The following MYO5A variants were observed in gnomAD, a reference collection of about 807,000 sequenced individuals.
MYO5A encodes the protein myosin VA, also known as unconventional myosin-Va.
A neutral mutation model predicts 249.7 loss-of-function variants in MYO5A; 98 were observed. That is an observed-to-expected ratio of 0.39 (90% CI 0.33 to 0.46). The LOEUF is 0.46. Ranked by LOEUF, MYO5A falls within the 20% of genes least tolerant of loss-of-function variation. The pLI, the probability that MYO5A is intolerant of heterozygous loss-of-function variation, is 0.98. For synonymous variants in MYO5A, 778 were observed against 810.6 expected, an observed-to-expected ratio of 0.96 and a Z score of 0.68; for missense variants, 1,696 against 2,308.8, an observed-to-expected ratio of 0.73 and a Z score of 5.44.
chr15:52,438,946 C>G (rs942190608), intron 1 of MYO5A, among the ~76,000 whole-genome samples: 1 of 152,250 alleles, frequency 6.6e-6, no homozygotes, highest in Non-Finnish European at 1.5e-5. Flanking sequence ...TACTCCTGAT[C>G]CAGCTAGGCG....
chr15:52,361,048 T>C (rs1221070349), intron 24 of MYO5A, among the ~76,000 whole-genome samples: 1 of 152,088 alleles, frequency 6.6e-6, no homozygotes, highest in Non-Finnish European at 1.5e-5. Flanking sequence ...CACCCAGGCT[T>C]ATGGAGAGCA....
intron 1 of MYO5A, 34 bp from the exon 2 acceptor site, chr15:52,433,319 A>G (rs1417036647): frequency 7.9e-7 from 1 of 1,259,930 alleles, no homozygotes; most frequent in Non-Finnish European, 1.2e-6. Flanking sequence ...TTAAACTAGC[A>G]AATCAATTAT....
chr15:52,435,199 A>G (rs2075635998), intron 1 of MYO5A, among the ~76,000 whole-genome samples: 1 of 152,138 alleles, frequency 6.6e-6, no homozygotes, highest in Admixed American at 6.6e-5. Context: ...CTGAGATTCA[A>G]GATAATTTAA....
rs1206870633 is a variant in MYO5A at position 52,420,709 on chromosome 15, A to C, written c.456-4408T>G. Among the ~76,000 whole-genome samples, 3 of 152,208 alleles carry C rather than the reference A, an allele frequency of 2.0e-5. No individual in the cohort carries two copies. In the East Asian group the frequency reaches 5.8e-4, roughly 29 times the overall value. On this transcript the variant is annotated intron_variant, in intron 4 of 41. Coordinates refer to ENST00000399233, the MANE Select transcript of MYO5A (RefSeq NM_001382347.1). The stretch of plus-strand genomic sequence containing the variant: ...TCTGAAAGTAAAATCTGAGTGGGAT[A>C]ATGAAGTATAAATATAAATCAGACA...
intron 1 of MYO5A, among the ~76,000 whole-genome samples, chr15:52,461,017 T>C (rs1276104557): frequency 6.6e-6 from 1 of 152,196 alleles, no homozygotes; most frequent in Non-Finnish European, 1.5e-5. Context: ...AGGGGCACAA[T>C]CATGGCTCAC....
chr15:52,453,666 T>C (rs114594340), intron 1 of MYO5A, among the ~76,000 whole-genome samples: 1 of 152,130 alleles, frequency 6.6e-6, no homozygotes, highest in Non-Finnish European at 1.5e-5. Flanking sequence ...ATATTAAATA[T>C]GTAAATTGAG....
intron 2 of MYO5A, among the ~76,000 whole-genome samples, chr15:52,432,432 T>C (rs2075560528): frequency 6.6e-6 from 1 of 152,226 alleles, no homozygotes; most frequent in African/African-American, 2.4e-5. Flanking sequence ...TGGCCAGCAA[T>C]CTGCAAAAAT....
intron 9 of MYO5A, among the ~76,000 whole-genome samples, chr15:52,404,155 C>T (rs566336987): frequency 6.6e-6 from 1 of 151,882 alleles, no homozygotes; most frequent in African/African-American, 2.4e-5. Flanking sequence ...GTCCCAGCTA[C>T]TCAGGAGGCT....
intron 1 of MYO5A, among the ~76,000 whole-genome samples, chr15:52,520,669 T>TTTCTTCC (rs1268069455): frequency 2.6e-5 from 4 of 152,206 alleles, no homozygotes; most frequent in Non-Finnish European, 5.9e-5. Flanking sequence ...CTGTGGCTGG[T>TTTCTTCC]AAACTGACTA....
intron 4 of MYO5A, among the ~76,000 whole-genome samples, chr15:52,422,546 G>A (rs1057128369): frequency 2.0e-5 from 3 of 151,964 alleles, no homozygotes; most frequent in Non-Finnish European, 4.4e-5. Context: ...ATATAAGCAA[G>A]GCTTTGCCAG....
At chr15:52,503,058 G>A (rs2077190851) in intron 1 of MYO5A, among the ~76,000 whole-genome samples, 1 of 152,150 alleles carries the variant, frequency 6.6e-6, no homozygotes, top group African/African-American at 2.4e-5. Flanking sequence ...AAGAGAGGTT[G>A]ATTAATGGGC....
intron 1 of MYO5A, among the ~76,000 whole-genome samples, chr15:52,443,208 G>C (rs2075820196): frequency 1.3e-5 from 2 of 152,268 alleles, no homozygotes; most frequent in Non-Finnish European, 2.9e-5. Context: ...CAATCAGCTT[G>C]CCATCCATCC....
intron 1 of MYO5A, among the ~76,000 whole-genome samples, chr15:52,452,377 A>T (rs1271808348): frequency 1.3e-5 from 2 of 152,110 alleles, no homozygotes; most frequent in East Asian, 3.9e-4. Context: ...TCAAGGTACA[A>T]CTTCCCTGCC....
At chr15:52,403,710 C>A (rs1264009715) in intron 9 of MYO5A, among the ~76,000 whole-genome samples, 1 of 152,098 alleles carries the variant, frequency 6.6e-6, no homozygotes, top group Non-Finnish European at 1.5e-5. Context: ...TATATCTCAA[C>A]AAAGCTCTTT....
intron 1 of MYO5A, among the ~76,000 whole-genome samples, chr15:52,474,567 A>G (rs923085675): frequency 1.3e-5 from 2 of 152,128 alleles, no homozygotes; most frequent in Non-Finnish European, 2.9e-5. Flanking sequence ...CATCCCATCA[A>G]TACCTAATTT....
chr15:52,377,872 T>C (rs958643139), intron 18 of MYO5A, among the ~76,000 whole-genome samples: 1 of 152,142 alleles, frequency 6.6e-6, no homozygotes, highest in Non-Finnish European at 1.5e-5. Context: ...TGCTTGGCCA[T>C]GTGATCTGAA....
rs375279331 is a variant in MYO5A, at chr15:52,433,295, A to C, written c.28-10T>G. 25 of 1,555,646 alleles carry C rather than the reference A, an allele frequency of 1.6e-5. No homozygotes were observed. The East Asian group carries it at 5.4e-4, about 34-fold the overall frequency. On this transcript the variant is annotated splice_polypyrimidine_tract_variant and intron_variant, in intron 1 of 41. Coordinates refer to ENST00000399233, the MANE Select transcript of MYO5A (RefSeq NM_001382347.1). ...TCCAAACCCTGGCAAACTAGAAGAC[A>C]AAAAGAAAAAAATTTAAACTAGCAA...
At chr15:52,319,891 C>T (rs901698878) in intron 38 of MYO5A, among the ~76,000 whole-genome samples, 4 of 152,066 alleles carry the variant, frequency 2.6e-5, no homozygotes, top group Admixed American at 6.5e-5. Flanking sequence ...AAATAAGAAG[C>T]GTTAAGAAGC....
rs759184343 is a variant in MYO5A at position 52,319,359 on chromosome 15, A to G, written c.4952-17T>C. The G allele has an allele frequency of 1.2e-6, 2 of 1,612,954 alleles. No homozygotes were observed. Among genetic ancestry groups the G allele is most frequent in the Admixed American group, 1.7e-5 (1 of 60,020 alleles). On this transcript the variant is annotated splice_polypyrimidine_tract_variant and intron_variant, in intron 38 of 41. Coordinates refer to ENST00000399233, the MANE Select transcript of MYO5A (RefSeq NM_001382347.1). ...TGCCTGAGACTGCAGGAGTATTTCA[A>G]TTGTTAGAGGAGATGATGTGGAAGG...
Sources: allele counts gnomAD v4.1 joint callset (sites outside exome capture counted in the v4.1 genomes callset), GRCh38; gene constraint gnomAD v4.1.1; transcripts MANE v1.5; gene names NCBI Gene and HGNC (gene_info 2026-07-23, HGNC 2026-07-21).